Variants in STK3 observed in about 807,000 individuals in gnomAD.
The protein encoded by STK3 is serine/threonine kinase 3.
In STK3, 41 loss-of-function variants were observed where a neutral mutation model predicts 58.0. The ratio of observed to expected loss-of-function variants is 0.71; its 90% CI spans 0.55 to 0.92. The LOEUF (loss-of-function observed/expected upper bound fraction) is 0.92, where lower values mean the gene tolerates loss of function less well. Ranked by LOEUF, STK3 falls within the 40% of genes least tolerant of loss-of-function variation. The probability of loss-of-function intolerance (pLI) is 0.00; values close to 1 mark genes in which losing one functional copy is unlikely to be tolerated. For missense variants in STK3, 479 were observed against 602.7 expected, an observed-to-expected ratio of 0.79 and a Z score of 2.15; for synonymous variants, 170 against 191.0, an observed-to-expected ratio of 0.89 and a Z score of 0.91.
At chr8:98,359,839 C>T in the STK3 span, among the ~76,000 whole-genome samples, 1 of 152,186 alleles carries the variant, frequency 6.6e-6, no homozygotes, top group Non-Finnish European at 1.5e-5. Context: ...CTTGCCCTTT[C>T]TGCTCTAATC....
At chr8:98,540,299 C>T (rs1893884) in intron 9 of STK3, among the ~76,000 whole-genome samples, 67,748 of 151,956 alleles carry the variant, frequency 0.45, 15,281 homozygotes, top group Admixed American at 0.54. Flanking sequence ...TTTTAAAAAA[C>T]GTATTTTAAA....
intron 1 of STK3, among the ~76,000 whole-genome samples, chr8:98,912,490 A>G (rs1234108364): frequency 2.6e-5 from 4 of 152,166 alleles, no homozygotes; most frequent in Non-Finnish European, 4.4e-5. Context: ...TTTTGCCCCA[A>G]ATTAAACGTG....
At chr8:98,908,822 G>T (rs1448443089) in intron 1 of STK3, among the ~76,000 whole-genome samples, 1 of 136,408 alleles carries the variant, frequency 7.3e-6, no homozygotes, top group African/African-American at 2.7e-5. Flanking sequence ...CAGCCTGGGG[G>T]ACAAGAGAGA....
At chr8:98,370,365 G>GTGTGTGTGTGTGTGTGTGTT (rs1817599389), downstream of STK3, among the ~76,000 whole-genome samples, 1 of 151,704 alleles carries the variant, frequency 6.6e-6, no homozygotes, top group African/African-American at 2.4e-5. Context: ...GTGTGTGTGT[G>GTGTGTGTGTGTGTGTGTGTT]TGTGTGTGTG....
At chr8:98,774,464 G>A (rs936192089) in intron 2 of STK3, among the ~76,000 whole-genome samples, 19 of 152,240 alleles carry the variant, frequency 1.2e-4, no homozygotes, top group African/African-American at 4.1e-4. Context: ...TAAGAATGCC[G>A]TAAGGGATGA....
chr8:98,941,011 G>T (rs1840400696), intron 1 of STK3, among the ~76,000 whole-genome samples: 1 of 152,200 alleles, frequency 6.6e-6, no homozygotes, highest in Non-Finnish European at 1.5e-5. Flanking sequence ...CAGGTACAGG[G>T]AGCCGCTGGG....
At chr8:98,367,468 C>T (rs1158742551), downstream of STK3, among the ~76,000 whole-genome samples, 7 of 152,200 alleles carry the variant, frequency 4.6e-5, no homozygotes, top group Non-Finnish European at 1.5e-5. Flanking sequence ...GGATAGGAAA[C>T]CCTTAGAAAT....
intron 6 of STK3, among the ~76,000 whole-genome samples, chr8:98,706,017 T>C (rs894884632): frequency 2.0e-5 from 3 of 151,700 alleles, no homozygotes; most frequent in East Asian, 1.9e-4. Context: ...GAAATTAGGA[T>C]TGCTTAATAC....
intron 6 of STK3, among the ~76,000 whole-genome samples, chr8:98,672,046 G>T (rs995816285): frequency 3.3e-5 from 5 of 152,130 alleles, no homozygotes; most frequent in African/African-American, 1.2e-4. Context: ...CAGCCATGTG[G>T]AACTGTGCAT....
intron 1 of STK3, among the ~76,000 whole-genome samples, chr8:98,795,093 AAAAAAAAAAAATATAT>A (rs1168095735): frequency 1.2e-4 from 8 of 65,284 alleles, no homozygotes; most frequent in African/African-American, 3.9e-4. Context: ...AAAAAAAAAA[AAAAAAAAAAAATATAT>A]ATATATATAT....
intron 10 of STK3, among the ~76,000 whole-genome samples, chr8:98,494,460 C>A (rs576918786): frequency 6.6e-6 from 1 of 152,082 alleles, no homozygotes; most frequent in African/African-American, 2.4e-5. Context: ...TTTGCATGGG[C>A]ATCTTAACTT....
chr8:98,393,434 G>C (rs1449910645), intron 3 of STK3, among the ~76,000 whole-genome samples: 2 of 152,078 alleles, frequency 1.3e-5, no homozygotes, highest in Non-Finnish European at 2.9e-5. Context: ...TGACTTTATA[G>C]CTCCTCCCAT....
At chr8:98,755,614 G>T (rs1830239942) in intron 3 of STK3, among the ~76,000 whole-genome samples, 1 of 152,180 alleles carries the variant, frequency 6.6e-6, no homozygotes, top group Non-Finnish European at 1.5e-5. Flanking sequence ...AAAATCCACA[G>T]ATTGGAAAAG....
chr8:98,636,049 T>C (rs1055242147), intron 6 of STK3, among the ~76,000 whole-genome samples: 6 of 152,110 alleles, frequency 3.9e-5, no homozygotes, highest in Non-Finnish European at 8.8e-5. Context: ...ATTCCTTCTA[T>C]GATTCCAAAG....
chr8:98,420,715 T>A (rs1160267578), intron 3 of STK3, among the ~76,000 whole-genome samples: 3 of 152,132 alleles, frequency 2.0e-5, no homozygotes, highest in Non-Finnish European at 1.5e-5. Flanking sequence ...ATGGGCATCA[T>A]TAAATGAGGT....
downstream of STK3, among the ~76,000 whole-genome samples, chr8:98,366,680 T>C (rs192973810): frequency 6.6e-6 from 1 of 152,206 alleles, no homozygotes; most frequent in African/African-American, 2.4e-5. Context: ...GAGCTTTCCA[T>C]TCTGTTTTAC....
chr8:98,612,284 C>G (rs902644243), intron 6 of STK3, among the ~76,000 whole-genome samples: 1 of 150,484 alleles, frequency 6.6e-6, no homozygotes, highest in Non-Finnish European at 1.5e-5. Context: ...AGACTGGGCA[C>G]AGTGGCTCAT....
chr8:98,823,821 G>T (rs1017526271), intron 1 of STK3, among the ~76,000 whole-genome samples: 6 of 152,184 alleles, frequency 3.9e-5, no homozygotes, highest in African/African-American at 1.2e-4. Flanking sequence ...AGCATAATAA[G>T]TAGCAGAGCC....
chr8:98,937,729 T>G (rs1386978355), intron 1 of STK3, among the ~76,000 whole-genome samples: 1 of 152,238 alleles, frequency 6.6e-6, no homozygotes, highest in African/African-American at 2.4e-5. Context: ...TTGGCTTGAC[T>G]TGGATTAGAT....
Sources: gnomAD v4.1 joint callset for allele counts (sites outside exome capture counted in the v4.1 genomes callset) on GRCh38, gnomAD v4.1.1 for gene constraint, MANE v1.5 for transcripts, NCBI Gene and HGNC (gene_info 2026-07-23, HGNC 2026-07-21) for gene names.